AGPAT3: variants seen among roughly 807,000 people sequenced by gnomAD.
AGPAT3 encodes the protein 1-acylglycerol-3-phosphate O-acyltransferase 3, also known as 1-acyl-sn-glycerol-3-phosphate acyltransferase gamma.
A neutral mutation model predicts 47.3 loss-of-function variants in AGPAT3; 5 were observed. The observed-to-expected ratio is 0.11, with a 90% CI of 0.06 to 0.22. The LOEUF is 0.22. Among genes scored for constraint, AGPAT3 ranks in the 10% least tolerant of loss-of-function variants. The pLI, the probability that AGPAT3 is intolerant of heterozygous loss-of-function variation, is 1.00. For synonymous variants in AGPAT3, 212 were observed against 208.3 expected (o/e 1.02, Z -0.15); for missense variants, 315 against 493.0 (o/e 0.64, Z 3.42).
In AGPAT3 at chr21:43,930,947, G is replaced by T. The variant is rs1311618973; in HGVS notation, c.-49+26928G>T. Among the ~76,000 whole-genome samples, 1 of 152,160 alleles carries T rather than the reference G, an allele frequency of 6.6e-6. No homozygotes were observed. The highest frequency in any genetic ancestry group is 1.5e-5 in the Non-Finnish European group (1 of 68,018). On this transcript the variant is annotated intron_variant, in intron 2 of 9. Coordinates refer to ENST00000291572, the MANE Select transcript of AGPAT3 (RefSeq NM_020132.5). The surrounding 1 kb of genome is among the most constrained non-coding windows in gnomAD (Gnocchi z 5.0). ...ATTGTTTTTATGGCCCCCACTACGT[G>T]AGATCCTGGGGCAGGGGCTGTGGGG...
At position 43,932,705 on chromosome 21, in the gene AGPAT3, C is replaced by T. The variant is rs1032171398; in HGVS notation, c.-48-26929C>T. ...TTGCTCTGTCGCCCAGGCTGGAGTG[C>T]GATGGCACGGTCTCGGCTCACTGCA... On this transcript the variant is annotated intron_variant, in intron 2 of 9. Transcript: ENST00000291572. The surrounding 1 kb of genome is among the most constrained non-coding windows in gnomAD (Gnocchi z 5.2). Among the ~76,000 whole-genome samples, 2 of 152,212 alleles carry T rather than the reference C, an allele frequency of 1.3e-5. No individual in the cohort carries two copies. Among genetic ancestry groups the T allele is most frequent in the Non-Finnish European group, 2.9e-5 (2 of 68,034 alleles).
chr21:43,892,415 C>G (rs2086121937), intron 1 of AGPAT3, among the ~76,000 whole-genome samples: 2 of 152,184 alleles, frequency 1.3e-5, no homozygotes, highest in Non-Finnish European at 2.9e-5. Context: ...TGCATCTCCC[C>G]CAGAGCTTTT....
intron 4 of AGPAT3, among the ~76,000 whole-genome samples, chr21:43,968,820 C>T (rs1177852606): frequency 6.6e-6 from 1 of 152,154 alleles, no homozygotes. Flanking sequence ...CAGTCAAAGC[C>T]CCTGTGTGAG....
In AGPAT3 at chr21:43,955,183, C is replaced by G. The variant is rs73226950; in HGVS notation, c.-48-4451C>G. 8.1e-5 allele frequency: 103 copies of G among 1,268,072 alleles called. No individual in the cohort carries two copies. In the South Asian group the frequency reaches 1.3e-3, roughly 16 times the overall value. The allele number at this position is 1,268,072 out of a possible 1,614,324, so 78.6% of individuals were successfully genotyped here. On this transcript the variant is annotated intron_variant, in intron 2 of 9. Coordinates refer to ENST00000291572, the MANE Select transcript of AGPAT3 (RefSeq NM_020132.5). The surrounding 1 kb of genome is among the most constrained non-coding windows in gnomAD (Gnocchi z 4.1). ...TGTCCCGGGGCCGTCTCAGAAGCAC[C>G]GCGCTGGACCGGCTGGGCCAGATGC...
rs2088363796 is a variant in AGPAT3, at chr21:43,954,813, G to A, written c.-48-4821G>A. The stretch of plus-strand genomic sequence containing the variant: ...CTTTGAGGAGAGCTGGACCCAAGAC[G>A]CCAGAGTTCCGGGGGCACTGAGTGC... On this transcript the variant is annotated intron_variant, in intron 2 of 9. Transcript: ENST00000291572. This position sits in a 1 kb window ranked among gnomAD's most constrained non-coding sequence, Gnocchi z 4.0. 2 of 163,882 alleles carry A rather than the reference G, an allele frequency of 1.2e-5. No homozygotes were observed. Among genetic ancestry groups the A allele is most frequent in the Admixed American group, 6.5e-5 (1 of 15,456 alleles). The allele number at this position is 163,882 out of a possible 1,614,324, so 10.2% of individuals were successfully genotyped here.
rs892370634 is a variant in AGPAT3 at position 43,986,555 on chromosome 21, T to C, written c.*4163T>C. ...CAATGAAGAAATGCATCTGATCTAC[T>C]TGTATTTATTGTCTCAGAATTGTAC... On this transcript the variant is annotated 3_prime_UTR_variant, in exon 10 of 10. Coordinates refer to ENST00000291572, the MANE Select transcript of AGPAT3 (RefSeq NM_020132.5). 4 of 152,696 alleles carry C rather than the reference T, an allele frequency of 2.6e-5. No homozygotes were observed. Among genetic ancestry groups the C allele is most frequent in the Non-Finnish European group, 5.9e-5 (4 of 68,044 alleles). 9.5% of individuals were successfully genotyped at this position (152,696 alleles called of 1,614,324 possible). A position where few individuals can be genotyped will look rare whatever the true frequency, so the allele number is the denominator to read the frequency against.
chr21:43,917,279 G>T (rs1190665805), intron 2 of AGPAT3, among the ~76,000 whole-genome samples: 1 of 150,866 alleles, frequency 6.6e-6, no homozygotes, highest in East Asian at 2.0e-4. Context: ...GCGCGGTCCC[G>T]CTGCTCCTCC....
rs2089857315 is a variant in AGPAT3 at position 43,981,723 on chromosome 21, T to G, written c.1042+536T>G. Among the ~76,000 whole-genome samples the G allele has an allele frequency of 6.6e-6, 1 of 151,054 alleles. No individual in the cohort carries two copies. The highest frequency in any genetic ancestry group is 6.6e-5 in the Admixed American group (1 of 15,188). ...CCACCCACACCCCGTAATTGAGGGG[T>G]CTCTGTCCGTGGAGACACAGTCCGT... is the stretch of plus-strand genomic sequence containing the variant. On this transcript the variant is annotated intron_variant, in intron 9 of 9. Coordinates refer to ENST00000291572, the MANE Select transcript of AGPAT3 (RefSeq NM_020132.5). The surrounding 1 kb of genome is among the most constrained non-coding windows in gnomAD (Gnocchi z 5.3).
intron 1 of AGPAT3, among the ~76,000 whole-genome samples, chr21:43,903,529 C>T (rs183313624): frequency 1.9e-3 from 285 of 152,310 alleles, no homozygotes; most frequent in African/African-American, 6.6e-3. Context: ...CCCAGGGCTG[C>T]GGCTGGCAGG....
At chr21:43,929,659 C>G (rs1405610540) in intron 2 of AGPAT3, among the ~76,000 whole-genome samples, 1 of 152,182 alleles carries the variant, frequency 6.6e-6, no homozygotes, top group Non-Finnish European at 1.5e-5. Context: ...TGTGGCAGGA[C>G]AGGGGACACC....
At chr21:43,950,574 G>T (rs2146483896) in intron 2 of AGPAT3, 1 of 152,374 alleles carries the variant, frequency 6.6e-6, no homozygotes, top group African/African-American at 2.4e-5. Context: ...CCCTCTCTCA[G>T]CATTCGGACG....
intron 1 of AGPAT3, 91 bp downstream of exon 1, chr21:43,865,436 G>A (rs908317635): frequency 2.0e-5 from 3 of 146,342 alleles, no homozygotes; most frequent in African/African-American, 4.9e-5. Flanking sequence ...GCCGCCGGAG[G>A]TCGCCCCTGC....
chr21:43,928,087 G>A (rs957914498), intron 2 of AGPAT3, among the ~76,000 whole-genome samples: 1 of 152,204 alleles, frequency 6.6e-6, no homozygotes, highest in East Asian at 1.9e-4. Context: ...CCAGCCGGAC[G>A]CAGCTCCCGG....
intron 3 of AGPAT3, among the ~76,000 whole-genome samples, chr21:43,963,435 C>T (rs1043608614): frequency 3.3e-5 from 5 of 152,132 alleles, no homozygotes; most frequent in Admixed American, 1.3e-4. Flanking sequence ...AGGAGCCGGG[C>T]GCGGTGGCTC....
chr21:43,950,593 G>A (rs140272445), intron 2 of AGPAT3: 36 of 152,352 alleles, frequency 2.4e-4, no homozygotes, highest in Middle Eastern at 3.4e-3. Context: ...CGAGATCAGC[G>A]TGGGCCACAG....
At chr21:43,872,181 T>G (rs933077620) in intron 1 of AGPAT3, among the ~76,000 whole-genome samples, 40 of 151,840 alleles carry the variant, frequency 2.6e-4, no homozygotes, top group Non-Finnish European at 5.2e-4. Context: ...AAATGGTGTT[T>G]TTTTTTTTTT....
intron 1 of AGPAT3, among the ~76,000 whole-genome samples, chr21:43,901,211 G>C (rs1044080584): frequency 6.6e-6 from 1 of 151,746 alleles, no homozygotes; most frequent in East Asian, 1.9e-4. Flanking sequence ...TGTAGTGCCA[G>C]CTACTCAACG....
chr21:43,955,976 G>T lies in AGPAT3; in HGVS notation c.-48-3658G>T, dbSNP rs1029093644. 6.6e-6 allele frequency among the ~76,000 whole-genome samples: 1 copy of T among 152,150 alleles called. No homozygotes were observed. The highest frequency in any genetic ancestry group is 2.4e-5 in the African/African-American group (1 of 41,436). On this transcript the variant is annotated intron_variant, in intron 2 of 9. Coordinates refer to ENST00000291572, the MANE Select transcript of AGPAT3 (RefSeq NM_020132.5). The surrounding 1 kb of genome is among the most constrained non-coding windows in gnomAD (Gnocchi z 4.1). The stretch of plus-strand genomic sequence containing the variant: ...TCAGCAGGTCTGCTGTGGAGCCCGG[G>T]CATCTGCTTCTCGGAGCATCACAGC...
Position 43,959,872 on chromosome 21 carries a change from T to C in AGPAT3, c.178+13T>C. The C allele has an allele frequency of 6.3e-7, 1 of 1,597,952 alleles. No homozygotes were observed. Among genetic ancestry groups the C allele is most frequent in the South Asian group, 1.1e-5 (1 of 90,226 alleles). ...TCACTCTGGAGCCGTGAGTGTCTGC[T>C]GGGCCAGTCCCTGCCGCCTGGGGCT... On this transcript the variant is annotated intron_variant, in intron 3 of 9. Coordinates refer to ENST00000291572, the MANE Select transcript of AGPAT3 (RefSeq NM_020132.5).
Sources: gnomAD v4.1 joint callset for allele counts (sites outside exome capture counted in the v4.1 genomes callset) on GRCh38, gnomAD v4.1.1 for gene constraint, Gnocchi (gnomAD v3.1) non-coding constraint, MANE v1.5 for transcripts, NCBI Gene and HGNC (gene_info 2026-07-23, HGNC 2026-07-21) for gene names.